The following ALDH1L1 variants were observed in gnomAD, a reference collection of about 807,000 sequenced individuals.
ALDH1L1 encodes aldehyde dehydrogenase 1 family member L1.
In ALDH1L1, 68 loss-of-function variants were observed where a neutral mutation model predicts 101.1. The observed-to-expected ratio is 0.67, with a 90% confidence interval of 0.55 to 0.82. ALDH1L1 has a LOEUF of 0.82. Ranked by LOEUF, ALDH1L1 falls within the 40% of genes least tolerant of loss-of-function variation. The pLI is 0.00. For missense variants in ALDH1L1, 1,087 were observed against 1,172.7 expected (o/e 0.93, Z 1.07); for synonymous variants, 486 against 470.8 (o/e 1.03, Z -0.42).
rs1325105214 is a variant in ALDH1L1 at position 126,157,337 on chromosome 3, C to T, written c.528+6G>A. ...GGGCAGGGCGCGGCCGGCTCCAGGT[C>T]CTCACCATCCCTTTGATGCCTTCAG... On this transcript the variant is annotated splice_donor_region_variant and intron_variant, in intron 4 of 22. Coordinates refer to ENST00000393434, the MANE Select transcript of ALDH1L1 (RefSeq NM_012190.4). 1 of 1,606,652 alleles carries T rather than the reference C, an allele frequency of 6.2e-7. No homozygotes were observed. Among genetic ancestry groups the T allele is most frequent in the South Asian group, 1.1e-5 (1 of 90,616 alleles).
chr3:126,112,607 C>T (rs1946113295), intron 19 of ALDH1L1, among the ~76,000 whole-genome samples, 175 bp downstream of exon 19: 1 of 152,148 alleles, frequency 6.6e-6, no homozygotes, highest in Non-Finnish European at 1.5e-5. Flanking sequence ...TAATAAAATC[C>T]AGTGAAGACT....
intron 1 of ALDH1L1, among the ~76,000 whole-genome samples, chr3:126,162,252 G>T (rs2081074415): frequency 1.3e-5 from 2 of 152,146 alleles, no homozygotes; most frequent in Non-Finnish European, 2.9e-5. Flanking sequence ...CTGGGTCATA[G>T]GTGTGAAAAT....
intron 14 of ALDH1L1, among the ~76,000 whole-genome samples, chr3:126,127,763 G>A (rs1177631954): frequency 6.6e-6 from 1 of 152,238 alleles, no homozygotes; most frequent in African/African-American, 2.4e-5. Context: ...GGCACAGTGA[G>A]GGTGGACCCG....
chr3:126,185,153 C>T (rs1230294585), upstream of ALDH1L1, among the ~76,000 whole-genome samples: 1 of 152,232 alleles, frequency 6.6e-6, no homozygotes, highest in African/African-American at 2.4e-5. Flanking sequence ...TGATGACCTG[C>T]AGACATAGAT....
chr3:126,162,461 T>C (rs2081079705), intron 1 of ALDH1L1, among the ~76,000 whole-genome samples: 1 of 152,268 alleles, frequency 6.6e-6, no homozygotes, highest in Non-Finnish European at 1.5e-5. Flanking sequence ...GCTATTTGGA[T>C]ATCCTTTTGT....
intron 1 of ALDH1L1, among the ~76,000 whole-genome samples, chr3:126,194,417 A>G (rs762422485): frequency 2.6e-5 from 4 of 152,200 alleles, no homozygotes; most frequent in Non-Finnish European, 4.4e-5. Flanking sequence ...TGAAGCTGAA[A>G]TTTGATTTTG....
At chr3:126,180,728 T>G (rs989236267), upstream of ALDH1L1, 2 of 1,400,162 alleles carry the variant, frequency 1.4e-6, no homozygotes, top group Non-Finnish European at 1.9e-6. Context: ...TCCGGGCGGG[T>G]CTATAAATGC....
chr3:126,120,027 G>A (rs564706540), intron 16 of ALDH1L1, among the ~76,000 whole-genome samples: 8 of 152,348 alleles, frequency 5.3e-5, no homozygotes, highest in South Asian at 2.1e-4. Flanking sequence ...TCATTGCTGC[G>A]GGAACGCAAA....
intron 22 of ALDH1L1, chr3:126,105,280 CCTT>C: frequency 3.5e-6 from 1 of 284,424 alleles, no homozygotes; most frequent in Non-Finnish European, 6.9e-6. Flanking sequence ...GCCTCTCAGG[CCTT>C]CTCTCCTCCC....
chr3:126,117,952 T>C, intron 17 of ALDH1L1, 53 bp downstream of exon 17: 2 of 1,514,096 alleles, frequency 1.3e-6, no homozygotes, highest in South Asian at 2.3e-5. Flanking sequence ...CACTGCCATG[T>C]CCCAGGCGCA....
intron 21 of ALDH1L1, 129 bp from the exon 22 acceptor site, chr3:126,106,054 G>T: frequency 5.0e-6 from 5 of 997,682 alleles, no homozygotes; most frequent in Non-Finnish European, 7.2e-6. Flanking sequence ...CCGGGCTGCA[G>T]CGCCGGGGGC....
At position 126,137,936 on chromosome 3, in the gene ALDH1L1, C is replaced by T; in HGVS notation, c.1101G>A (p.Leu367=). 3.7e-6 allele frequency: 6 copies of T among 1,614,166 alleles called. No homozygotes were observed. Among genetic ancestry groups the T allele is most frequent in the Non-Finnish European group, 5.1e-6 (6 of 1,180,002 alleles). The change falls in exon 10 of 23, where the codon CTG becomes CTA. Residue 367 remains leucine (L), a synonymous_variant. Coordinates refer to ENST00000393434, the MANE Select transcript of ALDH1L1 (RefSeq NM_012190.4). Reference sequence around the variant, plus strand: ...CATTTTCTAACTCCAGGCCATCACACAGCTCCTTCACTTCCTCCACCAGCC... The same window carrying T: ...CATTTTCTAACTCCAGGCCATCACATAGCTCCTTCACTTCCTCCACCAGCC... ...VVRLVEEVKE[L]CDGLELENED... is the part of the protein sequence containing the mutation.
At position 126,155,464 on chromosome 3, in the gene ALDH1L1, TG is replaced by T. The variant is rs766368224; in HGVS notation, c.567del (p.Arg190AspfsTer53). The T allele has an allele frequency of 9.2e-5, 149 of 1,613,138 alleles. No homozygotes were observed. Among genetic ancestry groups the T allele is most frequent in the Non-Finnish European group, 1.2e-4 (142 of 1,179,708 alleles). On this transcript the variant is annotated frameshift_variant, in exon 5 of 23. Coordinates refer to ENST00000393434, the MANE Select transcript of ALDH1L1 (RefSeq NM_012190.4). LOFTEE classifies it high-confidence loss of function. The stretch of plus-strand genomic sequence containing the variant: ...GCTCCTTCCTCAGGCTGAGGGAGTC[TG>T]GGGGCTTTGCCCTCAGCGATCAGCC... Reference protein sequence around the residue: ...AVRLIAEGKAPRLPQPEEGAT... With the variant: ...AVRLIAEGKAXRLPQPEEGAT...
chr3:126,108,660 C>A (rs548116924), intron 20 of ALDH1L1, among the ~76,000 whole-genome samples: 2 of 152,304 alleles, frequency 1.3e-5, no homozygotes, highest in South Asian at 4.1e-4. Flanking sequence ...ACGGGCATGC[C>A]CGGGCTTGGA....
chr3:126,180,896 A>G (rs2081464860), upstream of ALDH1L1: 3 of 1,594,670 alleles, frequency 1.9e-6, no homozygotes, highest in Non-Finnish European at 2.6e-6. Flanking sequence ...GGGTCAGAGG[A>G]GACCCTCGCC....
intron 1 of ALDH1L1, among the ~76,000 whole-genome samples, chr3:126,166,583 A>G (rs1328003252): frequency 6.6e-6 from 1 of 152,150 alleles, no homozygotes; most frequent in East Asian, 1.9e-4. Context: ...GTGCATGTTT[A>G]TAGAAACTTA....
Position 126,131,304 on chromosome 3 carries a change from G to T in ALDH1L1, c.1623+80C>A. 4.2e-6 allele frequency: 6 copies of T among 1,438,400 alleles called. No homozygotes were observed. The South Asian group carries it at 9.0e-5, about 22-fold the overall frequency. The allele number at this position is 1,438,400 out of a possible 1,614,324, so 89.1% of individuals were successfully genotyped here. A position where few individuals can be genotyped will look rare whatever the true frequency, so the allele number is the denominator to read the frequency against. On this transcript the variant is annotated intron_variant, in intron 13 of 22. Coordinates refer to ENST00000393434, the MANE Select transcript of ALDH1L1 (RefSeq NM_012190.4). Reference sequence around the variant, plus strand: ...GTCATTTGCTGCGCAGCATGCAGATGACTGTGCTGCCCTTGGAGTTCTCCT... The same window carrying T: ...GTCATTTGCTGCGCAGCATGCAGATTACTGTGCTGCCCTTGGAGTTCTCCT...
chr3:126,160,657 TC>T (rs1312117969), intron 2 of ALDH1L1, among the ~76,000 whole-genome samples, 195 bp downstream of exon 2: 1 of 152,068 alleles, frequency 6.6e-6, no homozygotes, highest in African/African-American at 2.4e-5. Context: ...GGGGAGGGGA[TC>T]TCCAATTTAT....
intron 21 of ALDH1L1, 145 bp downstream of exon 21, chr3:126,106,996 C>T (rs531515308): frequency 2.5e-4 from 171 of 687,094 alleles, no homozygotes; most frequent in Middle Eastern, 5.2e-4. Flanking sequence ...ACTCAGCAGG[C>T]GGCACAAGCG....
Sources: allele counts gnomAD v4.1 joint callset (sites outside exome capture counted in the v4.1 genomes callset), GRCh38; gene constraint gnomAD v4.1.1; transcripts MANE v1.5; gene names NCBI Gene and HGNC (gene_info 2026-07-23, HGNC 2026-07-21).